The following DCHS2 variants were observed in gnomAD, a reference collection of about 807,000 sequenced individuals.
DCHS2 encodes protocadherin-23.
In DCHS2, 142 loss-of-function variants were observed where a neutral mutation model predicts 182.4. The observed-to-expected ratio is 0.78, with a 90% CI of 0.68 to 0.89. The LOEUF (loss-of-function observed/expected upper bound fraction) is 0.89. Ranked by LOEUF, DCHS2 falls within the 40% of genes least tolerant of loss-of-function variation. The probability of loss-of-function intolerance (pLI) is 0.00; values close to 1 mark genes in which losing one functional copy is unlikely to be tolerated. For missense variants in DCHS2, 4,319 were observed against 4,198.6 expected (o/e 1.03, Z -0.79); for synonymous variants, 1,740 against 1,663.3 (o/e 1.05, Z -1.12).
At chr4:154,488,751 A>G (rs1402575020) in intron 1 of DCHS2, among the ~76,000 whole-genome samples, 3 of 152,126 alleles carry the variant, frequency 2.0e-5, no homozygotes, top group Non-Finnish European at 1.5e-5. Flanking sequence ...AAAAAAATAC[A>G]GAAATTAGCC....
intron 3 of DCHS2, among the ~76,000 whole-genome samples, chr4:154,342,725 C>T (rs1052885772): frequency 6.6e-6 from 1 of 152,206 alleles, no homozygotes; most frequent in Non-Finnish European, 1.5e-5. Context: ...ATTTTTACCA[C>T]TTCACTGAAG....
At chr4:154,274,938 G>A (rs1733768571) in intron 13 of DCHS2, among the ~76,000 whole-genome samples, 2 of 151,862 alleles carry the variant, frequency 1.3e-5, no homozygotes, top group South Asian at 4.1e-4. Context: ...GATCTTTGCT[G>A]AGCCATCTCA....
intron 3 of DCHS2, among the ~76,000 whole-genome samples, chr4:154,337,721 T>A (rs1728875751): frequency 6.6e-6 from 1 of 150,940 alleles, no homozygotes; most frequent in African/African-American, 2.4e-5. Context: ...TGTAACAATT[T>A]CTAGCCATAT....
chr4:154,407,114 G>A (rs899560280), intron 1 of DCHS2, among the ~76,000 whole-genome samples: 2 of 152,128 alleles, frequency 1.3e-5, no homozygotes, highest in Non-Finnish European at 2.9e-5. Flanking sequence ...CTGTTTTATG[G>A]CAACATGAGG....
intron 1 of DCHS2, among the ~76,000 whole-genome samples, chr4:154,451,110 T>A (rs749369694): frequency 2.0e-5 from 3 of 152,158 alleles, no homozygotes; most frequent in Non-Finnish European, 2.9e-5. Flanking sequence ...CTGTAACAAG[T>A]CCAGGATGCT....
At chr4:154,300,510 C>CCAA (rs1735153452) in intron 12 of DCHS2, among the ~76,000 whole-genome samples, 1 of 108,160 alleles carries the variant, frequency 9.2e-6, no homozygotes, top group African/African-American at 3.2e-5. Context: ...CTCATCTCTA[C>CCAA]AAAAAAAAAA....
chr4:154,491,038 G>A lies in DCHS2; in HGVS notation c.318C>T (p.Asp106=), dbSNP rs1728812960. The change falls in exon 1 of 20, where the codon GAC becomes GAT. Residue 106 remains aspartate (D), a synonymous_variant. Transcript: ENST00000357232. ...CGTCCAGCAGCGGGGAGTCATCGGAGTCCTCCGACAGAAAGAAGCCGCTCC... is the reference window on the plus strand; with the variant it reads ...CGTCCAGCAGCGGGGAGTCATCGGAATCCTCCGACAGAAAGAAGCCGCTCC... ...QEGSGFFLSE[D]SDDSPLLDDF... 1 of 1,551,152 alleles carries A rather than the reference G, an allele frequency of 6.4e-7. No homozygotes were observed. The highest frequency in any genetic ancestry group is 8.7e-7 in the Non-Finnish European group (1 of 1,146,866).
chr4:154,308,982 A>G (rs546781564), intron 10 of DCHS2, among the ~76,000 whole-genome samples: 15 of 152,318 alleles, frequency 9.8e-5, no homozygotes, highest in African/African-American at 3.6e-4. Flanking sequence ...AGTTCAAAAG[A>G]AAATCTAAAT....
intron 13 of DCHS2, among the ~76,000 whole-genome samples, chr4:154,282,491 TA>T (rs1460753261): frequency 6.6e-6 from 1 of 151,104 alleles, no homozygotes; most frequent in Non-Finnish European, 1.5e-5. Context: ...GCATTTATTT[TA>T]TATCAAAAAT....
chr4:154,235,039 C>A lies in DCHS2; in HGVS notation c.9613G>T (p.Val3205Phe), dbSNP rs758791596. The A allele has an allele frequency of 1.4e-5, 22 of 1,613,888 alleles. No individual in the cohort carries two copies. Among genetic ancestry groups the A allele is most frequent in the Non-Finnish European group, 1.8e-5 (21 of 1,179,974 alleles). Residue 3205 changes from valine (V) to phenylalanine (F), a missense_variant, in exon 20 of 20, where the codon GTC (valine) becomes TTC (phenylalanine). By Grantham distance (50) the Val-to-Phe change is conservative (BLOSUM62 -1). Transcript: ENST00000357232. ...SILADVRKES[V>F]FISGDQEVRC... ...ACTTCCTGATCACCTGAAATAAAGA[C>A]AGACTCTTTTCTAACGTCAGCCAGG...
chr4:154,429,565 G>A (rs1190961482), intron 1 of DCHS2, among the ~76,000 whole-genome samples: 2 of 152,164 alleles, frequency 1.3e-5, no homozygotes, highest in Middle Eastern at 6.8e-3. Flanking sequence ...AGCACCCAGC[G>A]GCAGCACATT....
intron 15 of DCHS2, among the ~76,000 whole-genome samples, chr4:154,257,985 A>G (rs995816964): frequency 2.6e-5 from 4 of 152,196 alleles, no homozygotes; most frequent in Non-Finnish European, 5.9e-5. Context: ...GGGACAGAGA[A>G]GTGAAACGAT....
chr4:154,352,603 A>T (rs781693622), intron 3 of DCHS2: 4 of 152,234 alleles, frequency 2.6e-5, no homozygotes, highest in Non-Finnish European at 5.9e-5. Context: ...CACTGAAAGG[A>T]CTACTAAAGG....
chr4:154,307,350 GAT>G (rs1735479281), intron 10 of DCHS2, among the ~76,000 whole-genome samples: 1 of 152,096 alleles, frequency 6.6e-6, no homozygotes, highest in Non-Finnish European at 1.5e-5. Context: ...CCCACTAAAA[GAT>G]ATGTGTGTGT....
At chr4:154,473,267 C>T (rs910079557) in intron 1 of DCHS2, among the ~76,000 whole-genome samples, 3 of 152,240 alleles carry the variant, frequency 2.0e-5, no homozygotes, top group Non-Finnish European at 4.4e-5. Context: ...TGCATCCAGA[C>T]ATTCTGATTC....
chr4:154,251,498 T>C (rs1010080476), intron 16 of DCHS2, among the ~76,000 whole-genome samples: 1 of 152,178 alleles, frequency 6.6e-6, no homozygotes, highest in Admixed American at 6.5e-5. Context: ...CCTTCTGCCA[T>C]ATATCTTACT....
Position 154,235,518 on chromosome 4 carries a change from TC to T in DCHS2, c.9133del (p.Asp3045MetfsTer28), listed in dbSNP as rs1181981114. 1 of 1,613,966 alleles carries T rather than the reference TC, an allele frequency of 6.2e-7. No homozygotes were observed. The highest frequency in any genetic ancestry group is 8.5e-7 in the Non-Finnish European group (1 of 1,179,980). On this transcript the variant is annotated frameshift_variant, in exon 20 of 20. Coordinates refer to ENST00000357232, the MANE Select transcript of DCHS2 (RefSeq NM_001358235.2). LOFTEE classifies it low-confidence loss of function (END_TRUNC). ...CTGGAAGGCTTTGAGCACACTGGCA[TC>T]CCGGGTCACTCTCAAGTCCGCATCT... ...SLDADLRVTR[D>X]ASVLKAFQKT... is the part of the protein sequence containing the mutation.
chr4:154,425,045 T>C (rs1733266139), intron 1 of DCHS2, among the ~76,000 whole-genome samples: 1 of 152,178 alleles, frequency 6.6e-6, no homozygotes, highest in Non-Finnish European at 1.5e-5. Flanking sequence ...AAGCACACCT[T>C]GACAGCAGCA....
rs751652739 is a variant in DCHS2 at position 154,234,506 on chromosome 4, G to A, written c.*30C>T. Reference sequence around the variant, plus strand: ...TTTTGTTCATTCATTCATGACCAATGGTGAGCAGGTACTTGGCATCCCAGT... The same window carrying A: ...TTTTGTTCATTCATTCATGACCAATAGTGAGCAGGTACTTGGCATCCCAGT... On this transcript the variant is annotated 3_prime_UTR_variant, in exon 20 of 20. Coordinates refer to ENST00000357232, the MANE Select transcript of DCHS2 (RefSeq NM_001358235.2). 6.4e-7 allele frequency: 1 copy of A among 1,568,120 alleles called. No individual in the cohort carries two copies. The highest frequency in any genetic ancestry group is 8.6e-7 in the Non-Finnish European group (1 of 1,156,228).
Sources: allele counts gnomAD v4.1 joint callset (sites outside exome capture counted in the v4.1 genomes callset), GRCh38; gene constraint gnomAD v4.1.1; transcripts MANE v1.5; gene names NCBI Gene and HGNC (gene_info 2026-07-23, HGNC 2026-07-21).